The following YBX2 variants were observed in gnomAD, a reference collection of about 807,000 sequenced individuals.
The protein encoded by YBX2 is Y-box-binding protein 2.
Under a neutral mutation model 44.4 loss-of-function variants are expected in YBX2, and 5 were observed. The observed-to-expected ratio is 0.11, with a 90% CI of 0.06 to 0.24. The LOEUF is 0.24. Ranked by LOEUF, YBX2 falls within the 10% of genes least tolerant of loss-of-function variation. YBX2 has a pLI of 1.00. For synonymous variants in YBX2, 188 were observed against 216.1 expected (o/e 0.87, Z 1.14); for missense variants, 417 against 526.9 (o/e 0.79, Z 2.04).
At position 7,290,323 on chromosome 17, in the gene YBX2, G is replaced by A; in HGVS notation, c.672C>T (p.Cys224=). The A allele has an allele frequency of 6.2e-7, 1 of 1,613,818 alleles. No homozygotes were observed. Among genetic ancestry groups the A allele is most frequent in the East Asian group, 2.2e-5 (1 of 44,856 alleles). ...GCCGTCGGTAGAAGAAGGGTGGGGG[G>A]CACCATCGTCGGGGCCGTTGCCCAG... ...EDSGQRPRRW[C]PPPFFYRRRF... The change falls in exon 5 of 9, where the codon TGC becomes TGT. Residue 224 remains cysteine, a synonymous_variant. Transcript: ENST00000007699.
At position 7,293,514 on chromosome 17, in the gene YBX2, T is replaced by C. The variant is rs2072516738; in HGVS notation, c.296A>G (p.Lys99Arg). 2 of 1,614,070 alleles carry C rather than the reference T, an allele frequency of 1.2e-6. No homozygotes were observed. Among genetic ancestry groups the C allele is most frequent in the South Asian group, 1.1e-5 (1 of 91,072 alleles). Residue 99 changes from lysine to arginine, a missense_variant, in exon 2 of 9, where the codon AAA becomes AGA. Transcript: ENST00000007699. The stretch of plus-strand genomic sequence containing the variant: ...GTAACCATTCCGGACGTTGAACCAT[T>C]TGACAGTGCCCAGGACTTGGATTGC... ...VLAIQVLGTV[K>R]WFNVRNGYGF...
intron 1 of YBX2, chr17:7,293,777 G>A (rs964591927): frequency 4.1e-6 from 3 of 730,052 alleles, no homozygotes; most frequent in South Asian, 1.9e-5. Flanking sequence ...TCTAAGTCAC[G>A]TTCCCCACAT....
At chr17:7,290,684 G>T in intron 4 of YBX2, 149 bp from the exon 5 acceptor site, 1 of 952,732 alleles carries the variant, frequency 1.0e-6, no homozygotes, top group Non-Finnish European at 1.5e-6. Flanking sequence ...AGAGGCAGTG[G>T]AATGTGCTTG....
chr17:7,293,368 T>C, intron 2 of YBX2, 107 bp downstream of exon 2: 2 of 1,572,226 alleles, frequency 1.3e-6, no homozygotes, highest in East Asian at 2.3e-5. Context: ...AGCTGGACAT[T>C]GCAACCATGT....
At chr17:7,292,363 CA>C (rs929939132) in intron 2 of YBX2, 1 of 417,764 alleles carries the variant, frequency 2.4e-6, no homozygotes, top group Admixed American at 3.5e-5. Flanking sequence ...CTCCACCTTC[CA>C]CCCCAGGCTA....
At chr17:7,293,978 G>C in intron 1 of YBX2, 1 of 471,932 alleles carries the variant, frequency 2.1e-6, no homozygotes, top group Non-Finnish European at 3.6e-6. Flanking sequence ...CGGGGGCGTG[G>C]CCGGACCCTG....
intron 4 of YBX2, 110 bp from the exon 5 acceptor site, chr17:7,290,645 C>T: frequency 6.9e-6 from 9 of 1,308,248 alleles, no homozygotes; most frequent in Middle Eastern, 1.9e-4. Flanking sequence ...TTTCCTTTAG[C>T]TCCTCTAACT....
At chr17:7,288,888 CA>C in intron 7 of YBX2, 50 bp from the exon 8 acceptor site, 3 of 1,610,390 alleles carry the variant, frequency 1.9e-6, no homozygotes, top group South Asian at 2.2e-5. Context: ...GTTTTTGAGA[CA>C]GAGTCTCACT....
Position 7,290,302 on chromosome 17 carries a change from T to A in YBX2, c.693A>T (p.Arg231=), listed in dbSNP as rs116909248. ...GCCGGGGGCCTCGCACAAACCGCCG[T>A]CGGTAGAAGAAGGGTGGGGGGCACC... The part of the protein sequence containing the change: ...RRWCPPPFFY[R]RRFVRGPRPP... The change falls in exon 5 of 9, where the codon CGA becomes CGT. Residue 231 remains arginine (R), a synonymous_variant. Transcript: ENST00000007699. The A allele has an allele frequency of 2.1e-3, 3,405 of 1,613,330 alleles. 7 individuals carry two copies. The highest frequency in any genetic ancestry group is 2.7e-3 in the Non-Finnish European group (3,176 of 1,179,776).
At chr17:7,292,203 G>A in intron 2 of YBX2, 144 bp from the exon 3 acceptor site, 2 of 924,548 alleles carry the variant, frequency 2.2e-6, no homozygotes, top group Non-Finnish European at 1.7e-6. Flanking sequence ...CCTGGGGAAT[G>A]GGAGGGAGAG....
Position 7,294,127 on chromosome 17 carries a change from G to A in YBX2, c.271+103C>T. On this transcript the variant is annotated intron_variant, in intron 1 of 8. Coordinates refer to ENST00000007699, the MANE Select transcript of YBX2 (RefSeq NM_015982.4). The surrounding 1 kb of genome is among the most constrained non-coding windows in gnomAD (Gnocchi z 4.6). ...AGCCCAGTTAGCGCTCTGGGCCTGC[G>A]GGCCAGGCCGCCTTTGGTTTTCCGG... The A allele has an allele frequency of 8.4e-7, 1 of 1,192,558 alleles. No homozygotes were observed. The highest frequency in any genetic ancestry group is 3.9e-5 in the South Asian group (1 of 25,526). 73.9% of individuals were successfully genotyped at this position (1,192,558 alleles called of 1,614,324 possible). A position where few individuals can be genotyped will look rare whatever the true frequency, so the allele number is the denominator to read the frequency against.
rs760393062 is a variant in YBX2 at position 7,290,476 on chromosome 17, A to G, written c.519T>C (p.Tyr173=). The G allele has an allele frequency of 1.9e-6, 3 of 1,613,732 alleles. No individual in the cohort carries two copies. Among genetic ancestry groups the G allele is most frequent in the South Asian group, 2.2e-5 (2 of 91,052 alleles). ...GGCGGGACTTACGTCGGTTGGGGGC[A>G]TAACGGCTGCCCTTCACGGGTACTC... ...PGGVPVKGSR[Y]APNRRKSRRF... is the part of the protein sequence containing the mutation. The change falls in exon 5 of 9, where the codon TAT becomes TAC. Residue 173 remains tyrosine (Y), a synonymous_variant. Coordinates refer to ENST00000007699, the MANE Select transcript of YBX2 (RefSeq NM_015982.4).
Position 7,291,490 on chromosome 17 carries a change from G to A in YBX2, c.370-308C>T, listed in dbSNP as rs2072501340. 4.5e-6 allele frequency: 2 copies of A among 447,642 alleles called. No individual in the cohort carries two copies. Among genetic ancestry groups the A allele is most frequent in the East Asian group, 9.4e-5 (2 of 21,320 alleles). 27.7% of individuals were successfully genotyped at this position (447,642 alleles called of 1,614,324 possible). A position where few individuals can be genotyped will look rare whatever the true frequency, so the allele number is the denominator to read the frequency against. On this transcript the variant is annotated intron_variant, in intron 3 of 8. Coordinates refer to ENST00000007699, the MANE Select transcript of YBX2 (RefSeq NM_015982.4). The surrounding 1 kb of genome is among the most constrained non-coding windows in gnomAD (Gnocchi z 5.8). ...AACTCCAAAGCAAAAGGCAGGGACA[G>A]CCTTCAGTCGCAAAGTGGGTAGAAT...
Position 7,289,633 on chromosome 17 carries a change from G to C in YBX2, c.941C>G (p.Pro314Arg). Residue 314 changes from proline (P) to arginine (R), a missense_variant, in exon 7 of 9, where the codon CCT (proline) becomes CGT (arginine). Transcript: ENST00000007699. ...GCGGTTTCGTGGGCGCTGGGGCTCA[G>C]GCCGGGAACCATCAGCGGGACCTTG... Reference protein sequence around the residue: ...PSQGPADGSRPEPQRPRNRPY... With the variant: ...PSQGPADGSRREPQRPRNRPY... 1.2e-6 allele frequency: 2 copies of C among 1,614,074 alleles called. No individual in the cohort carries two copies. Among genetic ancestry groups the C allele is most frequent in the Non-Finnish European group, 1.7e-6 (2 of 1,179,978 alleles).
chr17:7,289,925 A>C, intron 6 of YBX2, 43 bp downstream of exon 6: 1 of 1,610,824 alleles, frequency 6.2e-7, no homozygotes, highest in South Asian at 1.1e-5. Flanking sequence ...CCAAGGATCC[A>C]ACACTGGAAG....
intron 2 of YBX2, chr17:7,292,347 C>T: frequency 2.3e-6 from 1 of 440,674 alleles, no homozygotes; most frequent in Admixed American, 3.4e-5. Flanking sequence ...TCTGCCCCTG[C>T]CGGGACTCCA....
intron 7 of YBX2, 113 bp from the exon 8 acceptor site, chr17:7,288,951 C>T: frequency 2.3e-6 from 3 of 1,331,720 alleles, no homozygotes; most frequent in South Asian, 1.2e-5. Context: ...CAAACTCCCC[C>T]TCCCAGTTCA....
Position 7,291,287 on chromosome 17 carries a change from G to A in YBX2, c.370-105C>T. ...TTTCATTCTTTCAACATTTGACTTG[G>A]GGTCTAGAGCTGGAGGGTGGAGCAA... On this transcript the variant is annotated intron_variant, in intron 3 of 8. Coordinates refer to ENST00000007699, the MANE Select transcript of YBX2 (RefSeq NM_015982.4). The surrounding 1 kb of genome is among the most constrained non-coding windows in gnomAD (Gnocchi z 5.8). 8.5e-7 allele frequency: 1 copy of A among 1,170,408 alleles called. No homozygotes were observed. Among genetic ancestry groups the A allele is most frequent in the South Asian group, 1.3e-5 (1 of 78,392 alleles). The allele number at this position is 1,170,408 out of a possible 1,614,324, so 72.5% of individuals were successfully genotyped here.
chr17:7,294,616 G>C lies in YBX2; in HGVS notation c.-116C>G. On this transcript the variant is annotated 5_prime_UTR_variant, in exon 1 of 9. Transcript: ENST00000007699. The surrounding 1 kb of genome is among the most constrained non-coding windows in gnomAD (Gnocchi z 4.6). The stretch of plus-strand genomic sequence containing the variant: ...CGAGCCTCGCCCACACGCCGGCAGC[G>C]GGCCCGGAGCCGAGGCCAATGGCAG... 8.5e-7 allele frequency: 1 copy of C among 1,179,088 alleles called. No individual in the cohort carries two copies. The highest frequency in any genetic ancestry group is 1.1e-6 in the Non-Finnish European group (1 of 948,584). The allele number at this position is 1,179,088 out of a possible 1,614,324, so 73.0% of individuals were successfully genotyped here.
Sources: gnomAD v4.1 joint callset for allele counts on GRCh38, gnomAD v4.1.1 for gene constraint, Gnocchi (gnomAD v3.1) non-coding constraint, MANE v1.5 for transcripts, NCBI Gene and HGNC (gene_info 2026-07-23, HGNC 2026-07-21) for gene names.